NCOA1: variants seen among roughly 807,000 people sequenced by gnomAD.
The protein encoded by NCOA1 is nuclear receptor coactivator 1.
Under a neutral mutation model 150.9 loss-of-function variants are expected in NCOA1, and 35 were observed. That is an observed-to-expected ratio of 0.23 (90% confidence interval 0.18 to 0.31). The LOEUF is 0.31. Among genes scored for constraint, NCOA1 ranks in the 10% least tolerant of loss-of-function variants. The pLI is 1.00. For synonymous variants in NCOA1, 590 were observed against 630.0 expected, an observed-to-expected ratio of 0.94 and a Z score of 0.95; for missense variants, 1,491 against 1,749.3, an observed-to-expected ratio of 0.85 and a Z score of 2.63.
chr2:24,516,997 C>CATATACGTATATATACGTGTATATAT (rs1572372557), intron 1 of NCOA1, among the ~76,000 whole-genome samples: 1 of 16,220 alleles, frequency 6.2e-5, no homozygotes, highest in Non-Finnish European at 3.0e-4. Context: ...TATATATACA[C>CATATACGTATATATACGTGTATATAT]ACGCGCGCAC....
chr2:24,521,216 G>A (rs773073446), intron 1 of NCOA1, among the ~76,000 whole-genome samples: 7 of 152,124 alleles, frequency 4.6e-5, no homozygotes, highest in Non-Finnish European at 7.4e-5. Context: ...ATTAAATTAA[G>A]CTGATCAGCA....
intron 1 of NCOA1, among the ~76,000 whole-genome samples, chr2:24,512,002 A>C (rs759958788): frequency 6.6e-6 from 1 of 152,112 alleles, no homozygotes; most frequent in Non-Finnish European, 1.5e-5. Context: ...TTTAATCACT[A>C]TATGATTCTG....
chr2:24,588,805 C>A (rs1205010672), intron 3 of NCOA1, among the ~76,000 whole-genome samples: 3 of 152,174 alleles, frequency 2.0e-5, no homozygotes, highest in African/African-American at 7.2e-5. Context: ...TTCTAATGTG[C>A]AAGGTATTTC....
At chr2:24,514,054 C>T (rs372325219) in intron 1 of NCOA1, among the ~76,000 whole-genome samples, 83 of 151,672 alleles carry the variant, frequency 5.5e-4, no homozygotes, top group Non-Finnish European at 1.0e-3. Flanking sequence ...TTTGGGAGGC[C>T]GAGGCAGGCG....
chr2:24,552,185 C>T (rs1016662441), intron 1 of NCOA1, among the ~76,000 whole-genome samples: 1 of 150,554 alleles, frequency 6.6e-6, no homozygotes, highest in Non-Finnish European at 1.5e-5. Flanking sequence ...TTTTAAAAAG[C>T]CTGCTGGGAT....
At chr2:24,718,400 C>G (rs1451043199) in intron 14 of NCOA1, among the ~76,000 whole-genome samples, 1 of 152,150 alleles carries the variant, frequency 6.6e-6, no homozygotes, top group East Asian at 1.9e-4. Flanking sequence ...GAACATTGTT[C>G]AGCAATTTCT....
chr2:24,586,467 G>A (rs1405709943), intron 3 of NCOA1, among the ~76,000 whole-genome samples: 1 of 151,876 alleles, frequency 6.6e-6, no homozygotes, highest in African/African-American at 2.4e-5. Context: ...GCTCACTGCA[G>A]CATCTACCCA....
rs750251708 is a variant in NCOA1, at chr2:24,707,879, C to G, written c.2409C>G (p.Ala803=). ...CTCCTGAGGAAATAAAACTGGAGGC[C>G]CAGAGCCAGGTGGGTAACTGCTTGC... is the stretch of plus-strand genomic sequence containing the variant. ...KPTPEEIKLE[A]QSQFTADLDQ... The change falls in exon 13 of 23, where the codon GCC becomes GCG. Residue 803 remains alanine, a synonymous_variant. Coordinates refer to ENST00000348332, the MANE Select transcript of NCOA1 (RefSeq NM_003743.5). The G allele has an allele frequency of 2.0e-5, 31 of 1,586,046 alleles. No homozygotes were observed. Among genetic ancestry groups the G allele is most frequent in the Admixed American group, 3.8e-5 (2 of 52,510 alleles).
At chr2:24,510,531 T>C (rs1209564311) in intron 1 of NCOA1, among the ~76,000 whole-genome samples, 1 of 151,966 alleles carries the variant, frequency 6.6e-6, no homozygotes, top group African/African-American at 2.4e-5. Context: ...TTTGTTAAGA[T>C]GGGTTCTCCC....
chr2:24,533,214 A>G lies in NCOA1; in HGVS notation c.-395-31081A>G, dbSNP rs536722076. Among the ~76,000 whole-genome samples, 269 of 152,244 alleles carry G rather than the reference A, an allele frequency of 1.8e-3. 2 individuals carry two copies. Among genetic ancestry groups the G allele is most frequent in the African/African-American group, 6.2e-3 (256 of 41,534 alleles). On this transcript the variant is annotated intron_variant, in intron 1 of 22. Coordinates refer to ENST00000348332, the MANE Select transcript of NCOA1 (RefSeq NM_003743.5). ...TAGGTATTTTATTCTCTTTGTAGCA[A>G]TTGTGAGTGGGAGTTCACTCATGAT...
At chr2:24,497,178 G>A (rs1202832046) in intron 1 of NCOA1, among the ~76,000 whole-genome samples, 1 of 152,110 alleles carries the variant, frequency 6.6e-6, no homozygotes, top group African/African-American at 2.4e-5. Flanking sequence ...TTGAGTTCAA[G>A]CCTACTGAGT....
At chr2:24,655,269 G>A (rs556573523) in intron 4 of NCOA1, among the ~76,000 whole-genome samples, 1 of 152,180 alleles carries the variant, frequency 6.6e-6, no homozygotes, top group East Asian at 1.9e-4. Context: ...CCTTTGCTGA[G>A]TACATATTAC....
At chr2:24,699,344 G>A (rs548383936) in intron 11 of NCOA1, among the ~76,000 whole-genome samples, 1 of 152,066 alleles carries the variant, frequency 6.6e-6, no homozygotes, top group African/African-American at 2.4e-5. Context: ...TTATCCAAAT[G>A]GCTAGGCTCC....
In NCOA1 at chr2:24,737,337, G is replaced by C. The variant is rs1053353369; in HGVS notation, c.3202-2095G>C. Among the ~76,000 whole-genome samples, 3 of 151,994 alleles carry C rather than the reference G, an allele frequency of 2.0e-5. No individual in the cohort carries two copies. In the East Asian group the frequency reaches 5.8e-4, roughly 29 times the overall value. On this transcript the variant is annotated intron_variant, in intron 17 of 22. Coordinates refer to ENST00000348332, the MANE Select transcript of NCOA1 (RefSeq NM_003743.5). Reference sequence around the variant, plus strand: ...TCAAGGGGAGGAAAAAATGAACAAGGGTTAATTCAAGGGCAGAAATAGACC... The same window carrying C: ...TCAAGGGGAGGAAAAAATGAACAAGCGTTAATTCAAGGGCAGAAATAGACC...
chr2:24,738,772 T>C (rs1663454893), intron 17 of NCOA1, among the ~76,000 whole-genome samples: 1 of 152,220 alleles, frequency 6.6e-6, no homozygotes, highest in Non-Finnish European at 1.5e-5. Context: ...CATCTATTAA[T>C]ATCCTGCAGA....
At chr2:24,584,229 A>G (rs1401215768) in intron 2 of NCOA1, among the ~76,000 whole-genome samples, 1 of 152,186 alleles carries the variant, frequency 6.6e-6, no homozygotes, top group Non-Finnish European at 1.5e-5. Context: ...TATTTTGTAG[A>G]ATGTTAATTA....
intron 13 of NCOA1, 111 bp from the exon 14 acceptor site, chr2:24,710,820 A>G (rs7593430): frequency 3.0e-6 from 3 of 1,000,760 alleles, no homozygotes; most frequent in Non-Finnish European, 4.4e-6. Context: ...TTTCTTCATT[A>G]TCTCAAAGTC....
At chr2:24,672,796 A>C (rs1671744561) in intron 6 of NCOA1, among the ~76,000 whole-genome samples, 1 of 152,200 alleles carries the variant, frequency 6.6e-6, no homozygotes, top group African/African-American at 2.4e-5. Context: ...AGAAACTTTT[A>C]TTATTTAAAT....
At chr2:24,566,122 A>C (rs1022943427) in intron 2 of NCOA1, among the ~76,000 whole-genome samples, 1 of 152,184 alleles carries the variant, frequency 6.6e-6, no homozygotes. Context: ...TCCCACACCC[A>C]GGAAGAATAA....
Sources: allele counts gnomAD v4.1 joint callset (sites outside exome capture counted in the v4.1 genomes callset), GRCh38; gene constraint gnomAD v4.1.1; transcripts MANE v1.5; gene names NCBI Gene and HGNC (gene_info 2026-07-23, HGNC 2026-07-21).